Variants in NCAM1 observed in about 807,000 individuals in gnomAD.
NCAM1 encodes neural cell adhesion molecule 1.
A neutral mutation model predicts 109.8 loss-of-function variants in NCAM1; 14 were observed. The observed-to-expected ratio is 0.13, with a 90% CI of 0.08 to 0.20. The LOEUF is 0.20. Among genes scored for constraint, NCAM1 ranks in the 10% least tolerant of loss-of-function variants. The pLI is 1.00. For synonymous variants in NCAM1, 418 were observed against 442.9 expected, an observed-to-expected ratio of 0.94 and a Z score of 0.70; for missense variants, 774 against 1,109.9, an observed-to-expected ratio of 0.70 and a Z score of 4.30.
chr11:113,247,943 G>T (rs1945550284), intron 15 of NCAM1, among the ~76,000 whole-genome samples: 1 of 152,136 alleles, frequency 6.6e-6, no homozygotes, highest in Non-Finnish European at 1.5e-5. Flanking sequence ...AAAGATCTGG[G>T]CCTTCACCAT....
chr11:113,194,835 C>T (rs1943806324), intron 1 of NCAM1, among the ~76,000 whole-genome samples: 3 of 152,218 alleles, frequency 2.0e-5, no homozygotes, highest in Non-Finnish European at 4.4e-5. Context: ...CTTTAGACAG[C>T]ATTTCCCAAG....
intron 1 of NCAM1, among the ~76,000 whole-genome samples, chr11:113,110,818 G>A (rs1206473378): frequency 6.6e-6 from 1 of 152,150 alleles, no homozygotes; most frequent in Non-Finnish European, 1.5e-5. Flanking sequence ...TGCCTATAGA[G>A]GCAGAGAGTC....
intron 1 of NCAM1, among the ~76,000 whole-genome samples, chr11:113,177,196 G>A (rs539595786): frequency 1.3e-5 from 2 of 152,242 alleles, no homozygotes; most frequent in Non-Finnish European, 2.9e-5. Context: ...CTCAGTGCTG[G>A]TGTTGACCAC....
intron 1 of NCAM1, among the ~76,000 whole-genome samples, chr11:113,129,619 C>A (rs1941314575): frequency 6.6e-6 from 1 of 152,108 alleles, no homozygotes; most frequent in Admixed American, 6.5e-5. Context: ...TGGCGTTATT[C>A]TGGAAAAACT....
chr11:113,203,291 G>T (rs1247099482), intron 2 of NCAM1, among the ~76,000 whole-genome samples: 2 of 152,198 alleles, frequency 1.3e-5, no homozygotes, highest in Non-Finnish European at 2.9e-5. Flanking sequence ...GTTCACTCCA[G>T]CTTTGCCTTC....
At chr11:113,122,628 C>CA (rs1775782008) in intron 1 of NCAM1, among the ~76,000 whole-genome samples, 1 of 151,954 alleles carries the variant, frequency 6.6e-6, no homozygotes, top group Non-Finnish European at 1.5e-5. Flanking sequence ...TACTAAAATA[C>CA]AAAAAATTAG....
chr11:113,257,285 C>G (rs1945858206), intron 16 of NCAM1, among the ~76,000 whole-genome samples: 1 of 152,164 alleles, frequency 6.6e-6, no homozygotes, highest in Admixed American at 6.5e-5. Context: ...GCCCCATGGA[C>G]AGAACATAGG....
At chr11:113,173,709 GT>G (rs1555106610) in intron 1 of NCAM1, among the ~76,000 whole-genome samples, 1 of 150,500 alleles carries the variant, frequency 6.6e-6, no homozygotes, top group Non-Finnish European at 1.5e-5. Flanking sequence ...TTCTTGCCTA[GT>G]TCAAGGCTTG....
At chr11:113,240,977 G>A in intron 14 of NCAM1, 1 of 840,528 alleles carries the variant, frequency 1.2e-6, no homozygotes. Flanking sequence ...GAGCAGTTGA[G>A]AAGAGAAACA....
rs781873404 is a variant in NCAM1 at position 113,207,828 on chromosome 11, T to C, written c.747-5T>C. 28 of 1,608,128 alleles carry C rather than the reference T, an allele frequency of 1.7e-5. No individual in the cohort carries two copies. The South Asian group carries it at 2.2e-4, about 13-fold the overall frequency. On this transcript the variant is annotated splice_region_variant and splice_polypyrimidine_tract_variant and intron_variant, in intron 6 of 19. Coordinates refer to ENST00000316851, the MANE Select transcript of NCAM1 (RefSeq NM_181351.5). ...CATGCTACTTTGCATTTCTACATGC[T>C]CTAGGGATGGGGAACAGATAGAGCA... is the stretch of plus-strand genomic sequence containing the variant.
intron 7 of NCAM1, among the ~76,000 whole-genome samples, chr11:113,213,682 T>C (rs1416227823): frequency 1.3e-5 from 2 of 152,232 alleles, no homozygotes; most frequent in African/African-American, 4.8e-5. Context: ...TCAAAGCTTC[T>C]CTTTGCTGTT....
chr11:113,125,252 C>T (rs555564637), intron 1 of NCAM1, among the ~76,000 whole-genome samples: 13 of 152,260 alleles, frequency 8.5e-5, no homozygotes, highest in Admixed American at 4.6e-4. Context: ...TCTAAAGATT[C>T]CAGGCAAGGC....
chr11:113,115,135 G>T (rs1219164250), intron 1 of NCAM1, among the ~76,000 whole-genome samples: 1 of 152,174 alleles, frequency 6.6e-6, no homozygotes, highest in South Asian at 2.1e-4. Context: ...TGCCTTTTGA[G>T]TTCCTGAGTT....
At chr11:113,152,126 C>T (rs1332586972) in intron 1 of NCAM1, among the ~76,000 whole-genome samples, 2 of 152,332 alleles carry the variant, frequency 1.3e-5, no homozygotes, top group African/African-American at 4.8e-5. Context: ...TAATGAGTTT[C>T]AGGAAGGCAT....
At chr11:113,127,377 C>T (rs891162955) in intron 1 of NCAM1, among the ~76,000 whole-genome samples, 2 of 152,176 alleles carry the variant, frequency 1.3e-5, no homozygotes, top group Non-Finnish European at 2.9e-5. Flanking sequence ...AGACTGTGTA[C>T]AGAAAACTGT....
intron 1 of NCAM1, among the ~76,000 whole-genome samples, chr11:113,059,485 T>C (rs1424701042): frequency 6.6e-6 from 1 of 152,198 alleles, no homozygotes; most frequent in Non-Finnish European, 1.5e-5. Context: ...GTTTCTTCAC[T>C]TGCACATCTG....
At chr11:112,993,655 A>C (rs1042664847) in intron 1 of NCAM1, among the ~76,000 whole-genome samples, 1 of 152,208 alleles carries the variant, frequency 6.6e-6, no homozygotes, top group African/African-American at 2.4e-5. Context: ...TGTCAATAAC[A>C]TCTACATTTT....
chr11:113,099,083 G>A (rs1362492171), intron 1 of NCAM1, among the ~76,000 whole-genome samples: 1 of 152,188 alleles, frequency 6.6e-6, no homozygotes, highest in Non-Finnish European at 1.5e-5. Context: ...CTAGAAGGTA[G>A]GCGCTATTAC....
chr11:113,118,252 A>C (rs1940795369), intron 1 of NCAM1, among the ~76,000 whole-genome samples: 1 of 151,806 alleles, frequency 6.6e-6, no homozygotes, highest in Non-Finnish European at 1.5e-5. Flanking sequence ...ATTCATAAGC[A>C]TTTGTTCTTC....
Sources: allele counts gnomAD v4.1 joint callset (sites outside exome capture counted in the v4.1 genomes callset), GRCh38; gene constraint gnomAD v4.1.1; transcripts MANE v1.5; gene names NCBI Gene and HGNC (gene_info 2026-07-23, HGNC 2026-07-21).